PRKG1: variants seen among roughly 807,000 people sequenced by gnomAD.
PRKG1 encodes the protein cGMP-dependent protein kinase 1.
In PRKG1, 35 loss-of-function variants were observed where a neutral mutation model predicts 88.1. The ratio of observed to expected loss-of-function variants is 0.40; its 90% CI spans 0.30 to 0.53. The LOEUF (loss-of-function observed/expected upper bound fraction) is 0.53, where lower values mean the gene tolerates loss of function less well. Ranked by LOEUF, PRKG1 falls within the 20% of genes least tolerant of loss-of-function variation. The probability of loss-of-function intolerance (pLI) is 0.59; values close to 1 mark genes in which losing one functional copy is unlikely to be tolerated. For missense variants in PRKG1, 540 were observed against 839.8 expected, an observed-to-expected ratio of 0.64 and a Z score of 4.41; for synonymous variants, 303 against 292.5, an observed-to-expected ratio of 1.04 and a Z score of -0.37.
intron 4 of PRKG1, among the ~76,000 whole-genome samples, chr10:51,832,650 G>T (rs1840031507): frequency 6.6e-6 from 1 of 152,074 alleles, no homozygotes; most frequent in Non-Finnish European, 1.5e-5. Context: ...AGGAGAAAAA[G>T]CATGTACATT....
At chr10:51,216,983 G>C (rs546503018) in intron 2 of PRKG1, among the ~76,000 whole-genome samples, 1 of 152,020 alleles carries the variant, frequency 6.6e-6, no homozygotes, top group Non-Finnish European at 1.5e-5. Flanking sequence ...CATAAATCTA[G>C]CCTGGTTTAG....
At chr10:51,276,514 G>C (rs1226004757) in intron 2 of PRKG1, among the ~76,000 whole-genome samples, 1 of 152,114 alleles carries the variant, frequency 6.6e-6, no homozygotes, top group Admixed American at 6.5e-5. Flanking sequence ...GGTATTTCTA[G>C]TTCTAGATCC....
At chr10:51,955,735 G>C (rs1843287592) in intron 5 of PRKG1, among the ~76,000 whole-genome samples, 1 of 152,162 alleles carries the variant, frequency 6.6e-6, no homozygotes, top group Non-Finnish European at 1.5e-5. Context: ...TAATAAAGTA[G>C]AGAATGACAT....
At chr10:51,441,895 T>C (rs1839120051) in intron 2 of PRKG1, among the ~76,000 whole-genome samples, 1 of 151,974 alleles carries the variant, frequency 6.6e-6, no homozygotes, top group South Asian at 2.1e-4. Flanking sequence ...ATACTCAGAA[T>C]TCTGATTCTT....
rs187129210 is a variant in PRKG1 at position 51,346,694 on chromosome 10, C to T, written c.479-121029C>T. On this transcript the variant is annotated intron_variant, in intron 2 of 17. Coordinates refer to ENST00000373980, the MANE Select transcript of PRKG1 (RefSeq NM_006258.4). ...AGCAATCACTTTTTCTGTTATCCAA[C>T]TGACATTTCCTTCATGAGTATAACT... Among the ~76,000 whole-genome samples the T allele has an allele frequency of 4.6e-5, 7 of 152,306 alleles. No homozygotes were observed. In the East Asian group the frequency reaches 1.2e-3, roughly 25 times the overall value.
intron 5 of PRKG1, among the ~76,000 whole-genome samples, chr10:51,980,477 TG>T (rs1230161999): frequency 1.3e-5 from 2 of 152,232 alleles, no homozygotes; most frequent in African/African-American, 4.8e-5. Flanking sequence ...TGGAGAGTTC[TG>T]TAGAATTTCT....
At chr10:51,033,354 A>G (rs1256578409) in intron 1 of PRKG1, among the ~76,000 whole-genome samples, 2 of 152,206 alleles carry the variant, frequency 1.3e-5, no homozygotes, top group African/African-American at 2.4e-5. Context: ...ACCCTAATCT[A>G]TCTTTCTAAG....
At chr10:51,636,122 A>C (rs1364009975) in intron 3 of PRKG1, among the ~76,000 whole-genome samples, 1 of 152,150 alleles carries the variant, frequency 6.6e-6, no homozygotes, top group Non-Finnish European at 1.5e-5. Flanking sequence ...TTAAAGCATA[A>C]GCTGCTTTAA....
At chr10:51,007,833 T>G (rs1564568906) in intron 1 of PRKG1, among the ~76,000 whole-genome samples, 3 of 152,266 alleles carry the variant, frequency 2.0e-5, no homozygotes, top group Admixed American at 6.5e-5. Flanking sequence ...TAGGAAATAC[T>G]AATTCAGCAT....
intron 2 of PRKG1, among the ~76,000 whole-genome samples, chr10:51,385,071 T>C (rs986873048): frequency 1.3e-5 from 2 of 152,256 alleles, no homozygotes; most frequent in African/African-American, 2.4e-5. Flanking sequence ...TCCTAATGGA[T>C]GTTTTCATTA....
At chr10:51,714,829 A>G (rs1841847564) in intron 3 of PRKG1, among the ~76,000 whole-genome samples, 1 of 152,242 alleles carries the variant, frequency 6.6e-6, no homozygotes, top group African/African-American at 2.4e-5. Flanking sequence ...TAGATAAGTG[A>G]ATTATATTTA....
chr10:51,608,460 TGA>T (rs1432581503), intron 3 of PRKG1, among the ~76,000 whole-genome samples: 3 of 152,204 alleles, frequency 2.0e-5, no homozygotes, highest in African/African-American at 7.2e-5. Context: ...AGTTCTTCTG[TGA>T]GAGTCTTTAA....
At chr10:51,220,375 T>A (rs1191173742) in intron 2 of PRKG1, among the ~76,000 whole-genome samples, 1 of 152,182 alleles carries the variant, frequency 6.6e-6, no homozygotes, top group African/African-American at 2.4e-5. Context: ...AGCCACTAGG[T>A]TTCCATGAAT....
At chr10:51,489,118 A>G (rs1840631667) in intron 3 of PRKG1, among the ~76,000 whole-genome samples, 1 of 152,180 alleles carries the variant, frequency 6.6e-6, no homozygotes, top group Admixed American at 6.6e-5. Flanking sequence ...CTAGGCATTG[A>G]ATATACAGAG....
At chr10:51,816,344 T>A (rs964109645) in intron 4 of PRKG1, among the ~76,000 whole-genome samples, 5 of 152,160 alleles carry the variant, frequency 3.3e-5, no homozygotes, top group Admixed American at 1.3e-4. Flanking sequence ...ATCAGGCCAA[T>A]TTCCTATAAA....
intron 4 of PRKG1, among the ~76,000 whole-genome samples, chr10:51,853,714 T>C (rs775974520): frequency 2.0e-5 from 3 of 152,188 alleles, no homozygotes; most frequent in Non-Finnish European, 2.9e-5. Context: ...ATCTGTGCTC[T>C]GCAGGCAGGC....
At chr10:51,132,329 C>T (rs1213882787) in intron 1 of PRKG1, among the ~76,000 whole-genome samples, 1 of 152,100 alleles carries the variant, frequency 6.6e-6, no homozygotes, top group Non-Finnish European at 1.5e-5. Context: ...GGCAGAAAAA[C>T]TTGAAATTAT....
At chr10:52,266,287 A>C (rs142368280) in intron 10 of PRKG1, among the ~76,000 whole-genome samples, 110 of 151,846 alleles carry the variant, frequency 7.2e-4, no homozygotes, top group African/African-American at 1.9e-3. Context: ...ATGTACCATG[A>C]TGGTTTGCTG....
chr10:52,088,428 T>C (rs1846970297), intron 7 of PRKG1, among the ~76,000 whole-genome samples: 1 of 152,036 alleles, frequency 6.6e-6, no homozygotes, highest in Non-Finnish European at 1.5e-5. Flanking sequence ...GTTTGAATGT[T>C]GTGTCCTCTT....
Sources: gnomAD v4.1 joint callset for allele counts (sites outside exome capture counted in the v4.1 genomes callset) on GRCh38, gnomAD v4.1.1 for gene constraint, MANE v1.5 for transcripts, NCBI Gene and HGNC (gene_info 2026-07-23, HGNC 2026-07-21) for gene names.